The following PPP1R9A variants were observed in gnomAD, a reference collection of about 807,000 sequenced individuals.
The protein encoded by PPP1R9A is protein phosphatase 1 regulatory subunit 9A.
In PPP1R9A, 59 loss-of-function variants were observed where a neutral mutation model predicts 141.9. The observed-to-expected ratio is 0.42, with a 90% CI of 0.34 to 0.52. The LOEUF is 0.52. Among genes scored for constraint, PPP1R9A ranks in the 20% least tolerant of loss-of-function variants. The pLI, the probability that PPP1R9A is intolerant of heterozygous loss-of-function variation, is 0.10. For missense variants in PPP1R9A, 1,444 were observed against 1,611.9 expected (o/e 0.90, Z 1.78); for synonymous variants, 500 against 569.7 (o/e 0.88, Z 1.74).
intron 5 of PPP1R9A, among the ~76,000 whole-genome samples, chr7:95,184,963 T>C (rs1017946592): frequency 5.9e-5 from 9 of 152,210 alleles, no homozygotes; most frequent in Non-Finnish European, 1.2e-4. Flanking sequence ...ATAATGACTT[T>C]CTTTTGTCTG....
chr7:95,265,088 A>G (rs1801064417), intron 12 of PPP1R9A, among the ~76,000 whole-genome samples: 3 of 152,136 alleles, frequency 2.0e-5, no homozygotes, highest in Non-Finnish European at 4.4e-5. Flanking sequence ...TAAGAATTTT[A>G]TTCTTGGATA....
chr7:95,237,535 C>T (rs1796880231), intron 8 of PPP1R9A, among the ~76,000 whole-genome samples: 1 of 151,896 alleles, frequency 6.6e-6, no homozygotes. Context: ...AATACAAACA[C>T]ATATACACAT....
At chr7:94,971,669 T>C (rs1798874399) in intron 2 of PPP1R9A, among the ~76,000 whole-genome samples, 1 of 152,200 alleles carries the variant, frequency 6.6e-6, no homozygotes, top group Non-Finnish European at 1.5e-5. Context: ...TAGGAGTGTT[T>C]GCATGTGATT....
chr7:95,139,826 A>C (rs1329253709), intron 4 of PPP1R9A, among the ~76,000 whole-genome samples: 1 of 150,306 alleles, frequency 6.7e-6, no homozygotes, highest in Non-Finnish European at 1.5e-5. Flanking sequence ...AAAAAAAAAA[A>C]GAAAAAAAAA....
intron 3 of PPP1R9A, among the ~76,000 whole-genome samples, chr7:95,114,137 G>T (rs932470298): frequency 2.6e-5 from 4 of 152,096 alleles, no homozygotes; most frequent in African/African-American, 9.7e-5. Context: ...GGTAGAAAGG[G>T]TCTATAAATT....
At chr7:95,152,107 A>G (rs527372200) in intron 4 of PPP1R9A, among the ~76,000 whole-genome samples, 198 of 151,818 alleles carry the variant, frequency 1.3e-3, no homozygotes, top group African/African-American at 4.3e-3. Flanking sequence ...GCGTGCCACC[A>G]CGTGGGGCTA....
At chr7:94,929,050 G>A (rs1461509507) in intron 2 of PPP1R9A, among the ~76,000 whole-genome samples, 3 of 152,128 alleles carry the variant, frequency 2.0e-5, no homozygotes, top group Non-Finnish European at 2.9e-5. Flanking sequence ...ATACTTCTAG[G>A]TGTCTTACAT....
intron 2 of PPP1R9A, among the ~76,000 whole-genome samples, chr7:94,953,338 A>G (rs2151052220): frequency 6.6e-6 from 1 of 150,970 alleles, no homozygotes; most frequent in East Asian, 1.9e-4. Flanking sequence ...GGGTAGCAGT[A>G]CCATGCTGTT....
At chr7:95,084,234 G>T (rs1456816775) in intron 2 of PPP1R9A, among the ~76,000 whole-genome samples, 1 of 152,014 alleles carries the variant, frequency 6.6e-6, no homozygotes, top group Middle Eastern at 3.2e-3. Flanking sequence ...ATTGGATGTA[G>T]ACAGAGAAGT....
At chr7:95,021,618 C>G (rs1805973937) in intron 2 of PPP1R9A, among the ~76,000 whole-genome samples, 1 of 152,070 alleles carries the variant, frequency 6.6e-6, no homozygotes, top group South Asian at 2.1e-4. Context: ...ATGTTTAAGT[C>G]TTTAATCCAT....
chr7:94,986,425 A>G (rs1414998972), intron 2 of PPP1R9A, among the ~76,000 whole-genome samples: 2 of 152,304 alleles, frequency 1.3e-5, no homozygotes, highest in African/African-American at 2.4e-5. Flanking sequence ...TCACTCATAT[A>G]TAGGAGCTAA....
rs575607306 is a variant in PPP1R9A, at chr7:95,038,841, G to GA, written c.1396-72415dup. ...AGTTTAATAACAGCAGATGACAGCT[G>GA]AAAGAACTTCAAGACACAAATTCCC... On this transcript the variant is annotated intron_variant, in intron 2 of 19. Coordinates refer to ENST00000433360, the MANE Select transcript of PPP1R9A (RefSeq NM_001166160.2). Among the ~76,000 whole-genome samples, 46 of 152,234 alleles carry GA rather than the reference G, an allele frequency of 3.0e-4. No homozygotes were observed. In the South Asian group the frequency reaches 4.4e-3, roughly 14 times the overall value.
At chr7:94,945,176 T>G (rs1345919959) in intron 2 of PPP1R9A, among the ~76,000 whole-genome samples, 4 of 152,112 alleles carry the variant, frequency 2.6e-5, no homozygotes, top group Non-Finnish European at 4.4e-5. Flanking sequence ...GGATTTGTGT[T>G]AGGTCTCTCA....
intron 8 of PPP1R9A, among the ~76,000 whole-genome samples, chr7:95,238,155 T>C (rs1373596561): frequency 6.6e-6 from 1 of 152,182 alleles, no homozygotes; most frequent in Non-Finnish European, 1.5e-5. Flanking sequence ...CTTTTTGTAT[T>C]TCAGGAGTTT....
At position 95,051,476 on chromosome 7, in the gene PPP1R9A, C is replaced by T. The variant is rs137987930; in HGVS notation, c.1396-59783C>T. Among the ~76,000 whole-genome samples, 874 of 152,186 alleles carry T rather than the reference C, an allele frequency of 5.7e-3. 8 individuals carry two copies. Among genetic ancestry groups the T allele is most frequent in the African/African-American group, 0.02 (825 of 41,512 alleles). ...TAATTATTCTGGGTCTTTTGTTTCT[C>T]CATATAAACTTTAGAACCAGTTTAT... On this transcript the variant is annotated intron_variant, in intron 2 of 19. Coordinates refer to ENST00000433360, the MANE Select transcript of PPP1R9A (RefSeq NM_001166160.2).
intron 4 of PPP1R9A, among the ~76,000 whole-genome samples, chr7:95,137,818 G>T (rs1404781651): frequency 6.6e-6 from 1 of 152,078 alleles, no homozygotes; most frequent in Admixed American, 6.6e-5. Context: ...TTCAAGACTT[G>T]CTATAAAGCT....
chr7:95,068,893 G>T (rs1413496542), intron 2 of PPP1R9A, among the ~76,000 whole-genome samples: 1 of 152,112 alleles, frequency 6.6e-6, no homozygotes, highest in Non-Finnish European at 1.5e-5. Flanking sequence ...CAAGACAAGG[G>T]AATTACAATA....
At chr7:94,912,397 C>T (rs1791562049) in intron 2 of PPP1R9A, among the ~76,000 whole-genome samples, 1 of 152,062 alleles carries the variant, frequency 6.6e-6, no homozygotes, top group Admixed American at 6.6e-5. Flanking sequence ...GTGTACTTGC[C>T]CACAGCTCAG....
chr7:94,993,283 C>T (rs1801745982), intron 2 of PPP1R9A, among the ~76,000 whole-genome samples: 1 of 151,980 alleles, frequency 6.6e-6, no homozygotes, highest in Non-Finnish European at 1.5e-5. Context: ...GTGTTGATGC[C>T]AGTACCACAT....
Sources: allele counts gnomAD v4.1 joint callset (sites outside exome capture counted in the v4.1 genomes callset), GRCh38; gene constraint gnomAD v4.1.1; transcripts MANE v1.5; gene names NCBI Gene and HGNC (gene_info 2026-07-23, HGNC 2026-07-21).